The following BANK1 variants were observed in gnomAD, a reference collection of about 807,000 sequenced individuals.
The protein encoded by BANK1 is B cell scaffold protein with ankyrin repeats 1, also known as B-cell scaffold protein with ankyrin repeats.
BANK1 carries 95 observed loss-of-function variants against 94.5 expected under a neutral mutation model. The observed-to-expected ratio is 1.00, with a 90% CI of 0.85 to 1.19. The LOEUF (loss-of-function observed/expected upper bound fraction) is 1.19. Among genes scored for constraint, BANK1 ranks in the 50% most tolerant of loss-of-function variants. The pLI is 0.00. For missense variants in BANK1, 987 were observed against 932.2 expected (o/e 1.06, Z -0.77); for synonymous variants, 334 against 308.4 (o/e 1.08, Z -0.87).
intron 6 of BANK1, among the ~76,000 whole-genome samples, chr4:101,912,040 AAC>A (rs913262901): frequency 3.3e-5 from 5 of 151,914 alleles, no homozygotes. Flanking sequence ...CTCAATTAGA[AAC>A]ACACACACAC....
chr4:101,834,292 C>A (rs913432624), intron 2 of BANK1, among the ~76,000 whole-genome samples: 1 of 152,166 alleles, frequency 6.6e-6, no homozygotes. Flanking sequence ...TATCTCTCAT[C>A]TGCCCACATT....
chr4:101,806,134 TAAA>T (rs902921655), intron 1 of BANK1, among the ~76,000 whole-genome samples: 4 of 151,952 alleles, frequency 2.6e-5, no homozygotes, highest in African/African-American at 7.2e-5. Context: ...AAATATGTAA[TAAA>T]AACAAAAAAC....
intron 7 of BANK1, among the ~76,000 whole-genome samples, chr4:102,006,889 A>G (rs1387246657): frequency 2.0e-5 from 3 of 150,532 alleles, no homozygotes; most frequent in African/African-American, 4.9e-5. Context: ...TGTCTCATCA[A>G]TCTACAGTGT....
chr4:101,840,904 A>T (rs1253414808), intron 2 of BANK1, among the ~76,000 whole-genome samples: 1 of 152,118 alleles, frequency 6.6e-6, no homozygotes, highest in Non-Finnish European at 1.5e-5. Flanking sequence ...ATCTCAGCTC[A>T]CTCTAAATTC....
intron 7 of BANK1, among the ~76,000 whole-genome samples, chr4:101,968,954 C>T (rs1205874458): frequency 2.6e-5 from 4 of 152,014 alleles, no homozygotes; most frequent in Non-Finnish European, 5.9e-5. Flanking sequence ...GATGAGAAAC[C>T]ATGTCCCTTT....
At chr4:101,851,052 A>G (rs944272899) in intron 2 of BANK1, among the ~76,000 whole-genome samples, 2 of 152,182 alleles carry the variant, frequency 1.3e-5, no homozygotes, top group Non-Finnish European at 2.9e-5. Flanking sequence ...AAAAAGCTAA[A>G]AATAATTAAG....
In BANK1 at chr4:101,871,340, C is replaced by T. The variant is rs531550749; in HGVS notation, c.903+696C>T. Among the ~76,000 whole-genome samples, 17 of 151,846 alleles carry T rather than the reference C, an allele frequency of 1.1e-4. No homozygotes were observed. In the East Asian group the frequency reaches 2.9e-3, roughly 26 times the overall value. On this transcript the variant is annotated intron_variant, in intron 5 of 16. Coordinates refer to ENST00000322953, the MANE Select transcript of BANK1 (RefSeq NM_017935.5). ...GTAGAAGAGGGTAGAGAAAGGAAGT[C>T]GAAGTATCTTCAAATTTACCATAAA...
At chr4:102,027,902 T>G (rs1727158082) in intron 9 of BANK1, among the ~76,000 whole-genome samples, 1 of 152,230 alleles carries the variant, frequency 6.6e-6, no homozygotes, top group Non-Finnish European at 1.5e-5. Flanking sequence ...GTTGCTTCTA[T>G]TAACAGGTCT....
intron 11 of BANK1, among the ~76,000 whole-genome samples, chr4:102,052,433 A>G (rs1444319060): frequency 1.3e-5 from 2 of 152,168 alleles, no homozygotes; most frequent in African/African-American, 4.8e-5. Flanking sequence ...GATGAGAACA[A>G]ACAAGTAATA....
At chr4:101,828,289 T>G (rs902011548) in intron 1 of BANK1, among the ~76,000 whole-genome samples, 1 of 151,480 alleles carries the variant, frequency 6.6e-6, no homozygotes, top group Non-Finnish European at 1.5e-5. Context: ...CTTTATTTAT[T>G]TCCTATGTCT....
At chr4:101,894,319 A>G (rs1402986117) in intron 5 of BANK1, among the ~76,000 whole-genome samples, 1 of 152,052 alleles carries the variant, frequency 6.6e-6, no homozygotes, top group African/African-American at 2.4e-5. Context: ...TTTGTTATGC[A>G]TTACATAGCT....
At chr4:102,063,018 T>A in intron 12 of BANK1, 57 bp from the exon 13 acceptor site, 2 of 1,404,854 alleles carry the variant, frequency 1.4e-6, no homozygotes, top group South Asian at 1.2e-5. Flanking sequence ...GATGTTTTCA[T>A]CTTGATCCAT....
intron 2 of BANK1, among the ~76,000 whole-genome samples, chr4:101,835,700 T>C (rs1726797661): frequency 6.6e-6 from 1 of 152,244 alleles, no homozygotes; most frequent in Non-Finnish European, 1.5e-5. Flanking sequence ...GAACTCTGAC[T>C]CACTGGACCT....
intron 7 of BANK1, among the ~76,000 whole-genome samples, chr4:101,926,322 A>G (rs527804861): frequency 2.0e-5 from 3 of 151,828 alleles, no homozygotes; most frequent in African/African-American, 4.8e-5. Flanking sequence ...TGTGATATAT[A>G]TATAGATGTG....
chr4:101,895,286 C>A lies in BANK1; in HGVS notation c.904-19C>A. On this transcript the variant is annotated intron_variant, in intron 5 of 16. Transcript: ENST00000322953. The stretch of plus-strand genomic sequence containing the variant: ...AAATAATTAACCTAGTGAAAATTTT[C>A]TTTTTCACTTGAAAACAGAATAGCA... 1.4e-6 allele frequency: 2 copies of A among 1,436,624 alleles called. No homozygotes were observed. The highest frequency in any genetic ancestry group is 2.4e-5 in the Admixed American group (1 of 42,542). The allele number at this position is 1,436,624 out of a possible 1,614,324, so 89.0% of individuals were successfully genotyped here.
At chr4:101,843,752 T>G (rs961916622) in intron 2 of BANK1, among the ~76,000 whole-genome samples, 1 of 151,530 alleles carries the variant, frequency 6.6e-6, no homozygotes, top group Non-Finnish European at 1.5e-5. Flanking sequence ...CCATCTCTAC[T>G]AAATATACAA....
chr4:101,876,757 A>G (rs1343975056), intron 5 of BANK1, among the ~76,000 whole-genome samples: 1 of 152,192 alleles, frequency 6.6e-6, no homozygotes, highest in African/African-American at 2.4e-5. Context: ...CTTTCAAAGA[A>G]CTCAAAATAG....
chr4:101,894,480 A>G (rs1468486400), intron 5 of BANK1, among the ~76,000 whole-genome samples: 1 of 151,958 alleles, frequency 6.6e-6, no homozygotes, highest in African/African-American at 2.4e-5. Context: ...TTTTCAGTAC[A>G]GTTATTTAAT....
intron 15 of BANK1, 59 bp downstream of exon 15, chr4:102,072,459 A>G (rs1295164367): frequency 7.9e-7 from 1 of 1,272,008 alleles, no homozygotes; most frequent in Non-Finnish European, 1.1e-6. Flanking sequence ...GTTAAAAAAG[A>G]ACATGAGAGC....
Sources: allele counts gnomAD v4.1 joint callset (sites outside exome capture counted in the v4.1 genomes callset), GRCh38; gene constraint gnomAD v4.1.1; transcripts MANE v1.5; gene names NCBI Gene and HGNC (gene_info 2026-07-23, HGNC 2026-07-21).